Variants in SH3RF3 observed in about 807,000 individuals in gnomAD.
The protein encoded by SH3RF3 is E3 ubiquitin-protein ligase SH3RF3.
In SH3RF3, 29 loss-of-function variants were observed where a neutral mutation model predicts 66.3. That is an observed-to-expected ratio of 0.44 (90% confidence interval 0.33 to 0.60). The LOEUF (loss-of-function observed/expected upper bound fraction) is 0.60, where lower values mean the gene tolerates loss of function less well. Ranked by LOEUF, SH3RF3 falls within the 20% of genes least tolerant of loss-of-function variation. SH3RF3 has a pLI of 0.04. For synonymous variants in SH3RF3, 583 were observed against 532.0 expected, an observed-to-expected ratio of 1.10 and a Z score of -1.32; for missense variants, 1,194 against 1,190.9, an observed-to-expected ratio of 1.00 and a Z score of -0.04.
At chr2:109,291,077 C>T (rs112041625) in intron 1 of SH3RF3, among the ~76,000 whole-genome samples, 2,354 of 152,270 alleles carry the variant, frequency 0.015, 48 homozygotes, top group African/African-American at 0.054. Flanking sequence ...AATCCCATAG[C>T]TTCCTTGACC....
At chr2:109,362,986 A>T (rs1232369677) in intron 2 of SH3RF3, among the ~76,000 whole-genome samples, 2 of 152,104 alleles carry the variant, frequency 1.3e-5, no homozygotes, top group African/African-American at 2.4e-5. Context: ...AACAACATAT[A>T]GTTGTATCTT....
chr2:109,374,722 A>G (rs1239657806), intron 3 of SH3RF3, among the ~76,000 whole-genome samples: 1 of 152,224 alleles, frequency 6.6e-6, no homozygotes, highest in Non-Finnish European at 1.5e-5. Context: ...GATTGCATGA[A>G]GGTCTCCTCC....
intron 1 of SH3RF3, among the ~76,000 whole-genome samples, chr2:109,135,367 C>T (rs758302727): frequency 4.6e-5 from 7 of 152,190 alleles, no homozygotes; most frequent in Non-Finnish European, 1.0e-4. Flanking sequence ...TGGTTTTAAT[C>T]TTGGCTTCCA....
intron 2 of SH3RF3, among the ~76,000 whole-genome samples, chr2:109,359,547 A>T (rs766598098): frequency 2.8e-4 from 43 of 152,290 alleles, no homozygotes; most frequent in Middle Eastern, 6.8e-3. Context: ...TACCATTTAC[A>T]TTTATACCTA....
At chr2:109,260,917 G>A (rs1171216624) in intron 1 of SH3RF3, among the ~76,000 whole-genome samples, 1 of 152,202 alleles carries the variant, frequency 6.6e-6, no homozygotes, top group Non-Finnish European at 1.5e-5. Flanking sequence ...TCTGCTGTGA[G>A]AGGAAGGCCA....
At chr2:109,309,791 C>T (rs1222877847) in intron 1 of SH3RF3, among the ~76,000 whole-genome samples, 1 of 121,844 alleles carries the variant, frequency 8.2e-6, no homozygotes, top group Non-Finnish European at 1.6e-5. Flanking sequence ...GAAGAGCTAA[C>T]TATCCTAAAT....
At chr2:109,376,571 T>G (rs1683390145) in intron 3 of SH3RF3, among the ~76,000 whole-genome samples, 1 of 152,210 alleles carries the variant, frequency 6.6e-6, no homozygotes. Flanking sequence ...TAGACACAAG[T>G]GTCAAGCTCT....
intron 1 of SH3RF3, among the ~76,000 whole-genome samples, chr2:109,150,526 C>T (rs1039450172): frequency 6.6e-6 from 1 of 152,170 alleles, no homozygotes; most frequent in African/African-American, 2.4e-5. Flanking sequence ...GTCTGTTTAA[C>T]CACACAGTGG....
chr2:109,317,957 C>T (rs138818036), intron 1 of SH3RF3, among the ~76,000 whole-genome samples: 1 of 152,202 alleles, frequency 6.6e-6, no homozygotes, highest in East Asian at 2.0e-4. Context: ...GCCGCTTGTC[C>T]TGATGGATTC....
chr2:109,137,080 AT>A (rs898505490), intron 1 of SH3RF3, among the ~76,000 whole-genome samples: 4 of 152,174 alleles, frequency 2.6e-5, no homozygotes, highest in Admixed American at 6.5e-5. Flanking sequence ...ATGAAATGTA[AT>A]TTTTTTTCCA....
intron 1 of SH3RF3, among the ~76,000 whole-genome samples, chr2:109,218,535 C>G (rs896957229): frequency 7.2e-5 from 11 of 152,144 alleles, no homozygotes; most frequent in African/African-American, 2.7e-4. Flanking sequence ...GGTACGGATG[C>G]CTTCTGACCA....
At position 109,498,652 on chromosome 2, in the gene SH3RF3, A is replaced by G. The variant is rs190207297; in HGVS notation, c.2481-2851A>G. On this transcript the variant is annotated intron_variant, in intron 9 of 9. Transcript: ENST00000309415. ...CCACATTCCCTAGTTCATTCCCCCTAAGTAGTATCAAGTAGGTCCAGGATG... is the reference window on the plus strand; with the variant it reads ...CCACATTCCCTAGTTCATTCCCCCTGAGTAGTATCAAGTAGGTCCAGGATG... 2.2e-4 allele frequency among the ~76,000 whole-genome samples: 33 copies of G among 152,206 alleles called. No homozygotes were observed. The East Asian group carries it at 6.2e-3, about 29-fold the overall frequency.
chr2:109,376,874 C>T (rs1412752810), intron 3 of SH3RF3, among the ~76,000 whole-genome samples: 1 of 152,218 alleles, frequency 6.6e-6, no homozygotes, highest in Non-Finnish European at 1.5e-5. Context: ...TTCCTTTGTT[C>T]CCCTAAGTTT....
At chr2:109,176,024 T>C (rs930784875) in intron 1 of SH3RF3, among the ~76,000 whole-genome samples, 1 of 152,236 alleles carries the variant, frequency 6.6e-6, no homozygotes, top group Non-Finnish European at 1.5e-5. Context: ...CTGCATGTTA[T>C]ATCCTTGAGA....
At chr2:109,468,592 G>A (rs542504070) in intron 8 of SH3RF3, among the ~76,000 whole-genome samples, 12 of 152,078 alleles carry the variant, frequency 7.9e-5, no homozygotes, top group South Asian at 2.1e-4. Context: ...GGTAGCTCAC[G>A]CCTGTAATCC....
intron 1 of SH3RF3, among the ~76,000 whole-genome samples, chr2:109,327,503 T>C (rs9308812): frequency 0.08 from 12,185 of 152,266 alleles, 1,142 homozygotes; most frequent in African/African-American, 0.23. Flanking sequence ...AAGTACTTTG[T>C]CAAGTACTTG....
At chr2:109,402,500 G>A (rs1037773255) in intron 4 of SH3RF3, among the ~76,000 whole-genome samples, 1 of 152,244 alleles carries the variant, frequency 6.6e-6, no homozygotes, top group African/African-American at 2.4e-5. Context: ...GGGAAACGTG[G>A]AGTGGACAGA....
At chr2:109,355,986 A>G (rs2105601613) in intron 2 of SH3RF3, among the ~76,000 whole-genome samples, 1 of 152,270 alleles carries the variant, frequency 6.6e-6, no homozygotes, top group East Asian at 1.9e-4. Flanking sequence ...GGGGTGGAGA[A>G]TCATTATTGT....
intron 1 of SH3RF3, among the ~76,000 whole-genome samples, chr2:109,250,368 A>G (rs1011604325): frequency 3.9e-5 from 6 of 152,172 alleles, no homozygotes; most frequent in South Asian, 4.2e-4. Flanking sequence ...CTCTGAATTC[A>G]CTTCTGAGCT....
Sources: gnomAD v4.1 joint callset for allele counts (sites outside exome capture counted in the v4.1 genomes callset) on GRCh38, gnomAD v4.1.1 for gene constraint, MANE v1.5 for transcripts, NCBI Gene and HGNC (gene_info 2026-07-23, HGNC 2026-07-21) for gene names.